Variants in TLE4 observed in about 807,000 individuals in gnomAD.
TLE4 encodes transducin-like enhancer protein 4.
Under a neutral mutation model 92.8 loss-of-function variants are expected in TLE4, and 8 were observed. The ratio of observed to expected loss-of-function variants is 0.09; its 90% CI spans 0.05 to 0.16. The LOEUF (loss-of-function observed/expected upper bound fraction) is 0.16. TLE4 is among the 10% of genes least tolerant of loss of function. TLE4 has a pLI of 1.00. For missense variants in TLE4, 675 were observed against 997.6 expected (o/e 0.68, Z 4.36); for synonymous variants, 371 against 374.1 (o/e 0.99, Z 0.10).
intron 6 of TLE4, 58 bp downstream of exon 6, chr9:79,627,506 C>G: frequency 1.4e-5 from 22 of 1,546,202 alleles, no homozygotes; most frequent in Non-Finnish European, 2.0e-5. Context: ...CTCTCTCGCT[C>G]TCTCTTTTTA....
intron 4 of TLE4, among the ~76,000 whole-genome samples, chr9:79,584,311 C>G (rs1033756813): frequency 6.6e-6 from 1 of 152,172 alleles, no homozygotes; most frequent in African/African-American, 2.4e-5. Context: ...GAGGACAGCT[C>G]CTCCCTCCCC....
intron 9 of TLE4, 96 bp downstream of exon 9, chr9:79,704,998 A>G: frequency 6.5e-7 from 1 of 1,532,666 alleles, no homozygotes; most frequent in Non-Finnish European, 8.9e-7. Flanking sequence ...ACAGGAACAC[A>G]GGATAACATC....
chr9:79,717,852 T>C (rs1431079657), intron 14 of TLE4: 1 of 404,460 alleles, frequency 2.5e-6, no homozygotes, highest in Non-Finnish European at 5.0e-6. Context: ...TAGGCCCAGC[T>C]GCCTCCTGCC....
chr9:79,667,417 GT>G (rs1205399067), intron 8 of TLE4, among the ~76,000 whole-genome samples: 2 of 152,056 alleles, frequency 1.3e-5, no homozygotes, highest in Non-Finnish European at 2.9e-5. Context: ...ACTTAGAACT[GT>G]TTTATCTTAA....
At chr9:79,625,802 A>T (rs1315096301) in intron 5 of TLE4, among the ~76,000 whole-genome samples, 3 of 151,604 alleles carry the variant, frequency 2.0e-5, no homozygotes, top group African/African-American at 7.3e-5. Context: ...AGAGAAAGAA[A>T]TTTTTTTCTT....
intron 5 of TLE4, among the ~76,000 whole-genome samples, chr9:79,612,999 T>C (rs1300142245): frequency 6.6e-6 from 1 of 152,128 alleles, no homozygotes; most frequent in East Asian, 1.9e-4. Flanking sequence ...CTCAGAATTA[T>C]GCTTGTTTGT....
chr9:79,613,487 A>G (rs897554544), intron 5 of TLE4, among the ~76,000 whole-genome samples: 1 of 152,004 alleles, frequency 6.6e-6, no homozygotes, highest in Non-Finnish European at 1.5e-5. Flanking sequence ...TTGAAGTGAG[A>G]ATACTGGAAA....
At chr9:79,700,891 A>G (rs1177628380) in intron 8 of TLE4, among the ~76,000 whole-genome samples, 6 of 152,196 alleles carry the variant, frequency 3.9e-5, no homozygotes, top group Non-Finnish European at 8.8e-5. Flanking sequence ...AGTGAGAAAG[A>G]CTTGTGTTTA....
rs891816545 is a variant in TLE4, at chr9:79,705,981, G to A, written c.783+39G>A. The A allele has an allele frequency of 1.9e-6, 3 of 1,593,380 alleles. No individual in the cohort carries two copies. In the East Asian group the frequency reaches 6.7e-5, roughly 36 times the overall value. ...TACTTTAATTTTTTGCACTTGCCCA[G>A]CCATATCAAAGACTAGTTGCCCAAA... On this transcript the variant is annotated intron_variant, in intron 10 of 19. Transcript: ENST00000376552.
intron 13 of TLE4, among the ~76,000 whole-genome samples, 180 bp downstream of exon 13, chr9:79,708,966 GA>G (rs956780210): frequency 7.9e-5 from 12 of 152,072 alleles, no homozygotes; most frequent in African/African-American, 2.7e-4. Context: ...CAAGTAGCTC[GA>G]AAAAACAGCA....
chr9:79,720,332 G>A (rs759222923), intron 16 of TLE4, 39 bp downstream of exon 16: 6 of 1,581,952 alleles, frequency 3.8e-6, no homozygotes, highest in Non-Finnish European at 2.6e-6. Context: ...GTGAGGAGGA[G>A]CCGATTTTAC....
chr9:79,628,873 A>AGT (rs34212290), intron 6 of TLE4, among the ~76,000 whole-genome samples: 9,086 of 147,994 alleles, frequency 0.061, 326 homozygotes, highest in African/African-American at 0.11. Flanking sequence ...TTTAAAGTTA[A>AGT]GTGTGTGTGT....
At chr9:79,709,333 AC>A (rs1407805961) in intron 13 of TLE4, among the ~76,000 whole-genome samples, 1 of 152,154 alleles carries the variant, frequency 6.6e-6, no homozygotes, top group Admixed American at 6.5e-5. Context: ...GAAACTTCAA[AC>A]CTACAGAATT....
intron 14 of TLE4, among the ~76,000 whole-genome samples, chr9:79,714,107 C>T (rs2073980898): frequency 6.6e-6 from 1 of 152,188 alleles, no homozygotes; most frequent in South Asian, 2.1e-4. Context: ...GATCCATTCC[C>T]CTCGGCCTCC....
At chr9:79,698,408 A>G (rs370903339) in intron 8 of TLE4, among the ~76,000 whole-genome samples, 1 of 152,220 alleles carries the variant, frequency 6.6e-6, no homozygotes, top group Non-Finnish European at 1.5e-5. Flanking sequence ...TAAAGAATAT[A>G]TTGTTCATGA....
chr9:79,667,672 G>T (rs2061627745), intron 8 of TLE4, among the ~76,000 whole-genome samples: 1 of 152,154 alleles, frequency 6.6e-6, no homozygotes. Flanking sequence ...GGAAGGTGGG[G>T]AGTTGGGGTA....
chr9:79,714,830 C>G (rs1565155589), intron 14 of TLE4, among the ~76,000 whole-genome samples: 1 of 152,206 alleles, frequency 6.6e-6, no homozygotes, highest in Non-Finnish European at 1.5e-5. Context: ...TAGTTAGAAA[C>G]AGAGTAGCCC....
Position 79,653,983 on chromosome 9 carries a change from A to C in TLE4, c.593-76A>C, listed in dbSNP as rs149093919. ...AAGTTTGATAAATCAGTATGATTTT[A>C]TGTAAACTAACTAGTACTTTTCTTT... On this transcript the variant is annotated intron_variant, in intron 7 of 19. Coordinates refer to ENST00000376552, the MANE Select transcript of TLE4 (RefSeq NM_007005.6). 2.2e-4 allele frequency: 321 copies of C among 1,490,958 alleles called. No homozygotes were observed. In the East Asian group the frequency reaches 6.2e-3, roughly 29 times the overall value. The allele number at this position is 1,490,958 out of a possible 1,614,324, so 92.4% of individuals were successfully genotyped here.
chr9:79,616,301 A>G (rs904919335), intron 5 of TLE4, among the ~76,000 whole-genome samples: 1 of 152,140 alleles, frequency 6.6e-6, no homozygotes, highest in African/African-American at 2.4e-5. Flanking sequence ...GTGCCTCTCT[A>G]AGCCTCAGTT....
Sources: gnomAD v4.1 joint callset for allele counts (sites outside exome capture counted in the v4.1 genomes callset) on GRCh38, gnomAD v4.1.1 for gene constraint, MANE v1.5 for transcripts, NCBI Gene and HGNC (gene_info 2026-07-23, HGNC 2026-07-21) for gene names.